Variants in PIK3C2G observed in about 807,000 individuals in gnomAD.
The protein encoded by PIK3C2G is phosphatidylinositol 3-kinase C2 domain-containing subunit gamma.
PIK3C2G carries 168 observed loss-of-function variants against 181.1 expected under a neutral mutation model. The ratio of observed to expected loss-of-function variants is 0.93; its 90% CI spans 0.82 to 1.05. PIK3C2G has a LOEUF of 1.05. Ranked by LOEUF, PIK3C2G falls within the 50% of genes least tolerant of loss-of-function variation. The pLI is 0.00. For synonymous variants in PIK3C2G, 573 were observed against 592.2 expected (o/e 0.97, Z 0.47); for missense variants, 1,869 against 1,732.8 (o/e 1.08, Z -1.40).
chr12:18,696,330 A>C, the PIK3C2G span: 1 of 54,096 alleles, frequency 1.8e-5, no homozygotes, highest in South Asian at 1.0e-3. Flanking sequence ...CACTATATAT[A>C]TATATATATA....
At chr12:18,467,893 C>G (rs755143183) in intron 18 of PIK3C2G, among the ~76,000 whole-genome samples, 5 of 151,980 alleles carry the variant, frequency 3.3e-5, no homozygotes, top group African/African-American at 4.8e-5. Context: ...GGAATTGACC[C>G]TAGGCTCATG....
At chr12:18,496,223 G>C in intron 21 of PIK3C2G, 69 bp downstream of exon 21, 1 of 934,192 alleles carries the variant, frequency 1.1e-6, no homozygotes. Context: ...CTCACAAAAA[G>C]AAATTGTTGT....
At chr12:18,650,692 GTGTGTGTGTGTGTATATATCTATATA>G (rs1950426360), downstream of PIK3C2G, among the ~76,000 whole-genome samples, 27 of 38,656 alleles carry the variant, frequency 7.0e-4, 1 homozygote, top group Middle Eastern at 0.026. Flanking sequence ...GTGTGTGTGT[GTGTGTGTGTGTGTATATATCTATATA>G]TATATATATA....
chr12:18,307,325 G>A (rs1176657233), intron 5 of PIK3C2G, among the ~76,000 whole-genome samples: 1 of 151,492 alleles, frequency 6.6e-6, no homozygotes, highest in Admixed American at 6.6e-5. Context: ...TATGTGTAGA[G>A]AGAATAAATA....
intron 18 of PIK3C2G, among the ~76,000 whole-genome samples, chr12:18,481,755 CAA>C (rs1939581287): frequency 6.6e-6 from 1 of 151,974 alleles, no homozygotes; most frequent in South Asian, 2.1e-4. Context: ...TAAAGAGAGG[CAA>C]AGAGAATGAT....
intron 29 of PIK3C2G, among the ~76,000 whole-genome samples, chr12:18,573,224 A>T (rs1431773522): frequency 6.6e-6 from 1 of 152,202 alleles, no homozygotes; most frequent in Non-Finnish European, 1.5e-5. Context: ...AATTAAATAT[A>T]GGGACATTAG....
chr12:18,578,927 C>A (rs1350780101), intron 29 of PIK3C2G, among the ~76,000 whole-genome samples: 2 of 152,004 alleles, frequency 1.3e-5, no homozygotes, highest in Admixed American at 6.5e-5. Context: ...TAGAAAAATT[C>A]TCCTAAAATG....
At chr12:18,587,744 CAACCAAACAA>C (rs991068569) in intron 29 of PIK3C2G, among the ~76,000 whole-genome samples, 18 of 150,414 alleles carry the variant, frequency 1.2e-4, no homozygotes, top group Non-Finnish European at 2.7e-4. Context: ...ACAACAATAA[CAACCAAACAA>C]AACAAAACAA....
intron 30 of PIK3C2G, among the ~76,000 whole-genome samples, chr12:18,605,221 GA>G (rs1158349392): frequency 6.6e-6 from 1 of 152,086 alleles, no homozygotes; most frequent in Non-Finnish European, 1.5e-5. Context: ...AGATACCACT[GA>G]AACACAAAAG....
At chr12:18,261,634 A>G (rs193061119) in intron 1 of PIK3C2G, 57 bp downstream of exon 1, 1 of 152,214 alleles carries the variant, frequency 6.6e-6, no homozygotes, top group Admixed American at 6.5e-5. Context: ...TGATATTTCG[A>G]CTCAAATATA....
At position 18,566,946 on chromosome 12, in the gene PIK3C2G, C is replaced by A; in HGVS notation, c.3903-3C>A. 1 of 1,517,334 alleles carries A rather than the reference C, an allele frequency of 6.6e-7. No homozygotes were observed. The highest frequency in any genetic ancestry group is 9.1e-7 in the Non-Finnish European group (1 of 1,095,880). The allele number at this position is 1,517,334 out of a possible 1,614,324, so 94.0% of individuals were successfully genotyped here. On this transcript the variant is annotated splice_region_variant and splice_polypyrimidine_tract_variant and intron_variant, in intron 28 of 32. Coordinates refer to ENST00000538779, the MANE Select transcript of PIK3C2G (RefSeq NM_001288772.2). Reference sequence around the variant, plus strand: ...AAGATAACTTTTTTTTCTCTTAAAACAGGTTTCCTCATTGGTGGCACCTAC... The same window carrying A: ...AAGATAACTTTTTTTTCTCTTAAAAAAGGTTTCCTCATTGGTGGCACCTAC...
At chr12:18,554,666 T>G (rs1016335222) in intron 26 of PIK3C2G, among the ~76,000 whole-genome samples, 1 of 152,078 alleles carries the variant, frequency 6.6e-6, no homozygotes, top group African/African-American at 2.4e-5. Flanking sequence ...AAATATGTGT[T>G]TGAATACTTA....
intron 11 of PIK3C2G, among the ~76,000 whole-genome samples, chr12:18,349,646 A>G (rs1940021054): frequency 1.3e-5 from 2 of 152,210 alleles, no homozygotes; most frequent in Non-Finnish European, 2.9e-5. Context: ...TAGAAATTTA[A>G]TTACTTAACT....
chr12:18,575,568 T>C (rs1288486267), intron 29 of PIK3C2G, among the ~76,000 whole-genome samples: 2 of 152,196 alleles, frequency 1.3e-5, no homozygotes, highest in Non-Finnish European at 1.5e-5. Flanking sequence ...GACTCTCAGC[T>C]GGAGATGCTA....
At chr12:18,259,349 G>A (rs1417461323), upstream of PIK3C2G, among the ~76,000 whole-genome samples, 1 of 152,086 alleles carries the variant, frequency 6.6e-6, no homozygotes, top group African/African-American at 2.4e-5. Flanking sequence ...CAGCTTCGGG[G>A]TCTGGGTCAC....
Position 18,293,976 on chromosome 12 carries a change from A to T in PIK3C2G, c.995A>T (p.His332Leu). Reference protein sequence around the residue: ...CTNDQLLPKDHILSVCGSEEF... With the variant: ...CTNDQLLPKDLILSVCGSEEF... Reference sequence around the variant, plus strand: ...AATGACCAGCTACTCCCCAAAGATCATATTCTAAGTGTATGTGGCTCTGAA... The same window carrying T: ...AATGACCAGCTACTCCCCAAAGATCTTATTCTAAGTGTATGTGGCTCTGAA... Residue 332 changes from histidine to leucine, a missense_variant, in exon 5 of 33, where the codon CAT becomes CTT. Physicochemically the swap from His to Leu is moderately conservative, Grantham distance 99. Coordinates refer to ENST00000538779, the MANE Select transcript of PIK3C2G (RefSeq NM_001288772.2). 6.3e-7 allele frequency: 1 copy of T among 1,597,990 alleles called. No homozygotes were observed. Among genetic ancestry groups the T allele is most frequent in the Non-Finnish European group, 8.6e-7 (1 of 1,165,520 alleles).
At chr12:18,429,987 A>G (rs933932312) in intron 18 of PIK3C2G, among the ~76,000 whole-genome samples, 11 of 152,154 alleles carry the variant, frequency 7.2e-5, no homozygotes, top group African/African-American at 2.7e-4. Context: ...AAATCAGATC[A>G]AGGTTAGACT....
chr12:18,653,962 C>T, the PIK3C2G span, among the ~76,000 whole-genome samples: 1 of 152,042 alleles, frequency 6.6e-6, no homozygotes, highest in African/African-American at 2.4e-5. Context: ...TTCCGATTTA[C>T]CCCAAGAATC....
chr12:18,353,020 G>C (rs895666842), intron 11 of PIK3C2G, among the ~76,000 whole-genome samples: 1 of 152,200 alleles, frequency 6.6e-6, no homozygotes, highest in African/African-American at 2.4e-5. Context: ...TAGGAAAACA[G>C]GAATGCATGT....
Sources: gnomAD v4.1 joint callset for allele counts (sites outside exome capture counted in the v4.1 genomes callset) on GRCh38, gnomAD v4.1.1 for gene constraint, MANE v1.5 for transcripts, NCBI Gene and HGNC (gene_info 2026-07-23, HGNC 2026-07-21) for gene names.